DYNC1I1: variants seen among roughly 807,000 people sequenced by gnomAD.
DYNC1I1 encodes the protein dynein cytoplasmic 1 intermediate chain 1.
Under a neutral mutation model 86.6 loss-of-function variants are expected in DYNC1I1, and 43 were observed. The ratio of observed to expected loss-of-function variants is 0.50; its 90% CI spans 0.39 to 0.64. The LOEUF is 0.64. Ranked by LOEUF, DYNC1I1 falls within the 30% of genes least tolerant of loss-of-function variation. The pLI, the probability that DYNC1I1 is intolerant of heterozygous loss-of-function variation, is 0.00. For missense variants in DYNC1I1, 604 were observed against 788.8 expected (o/e 0.77, Z 2.81); for synonymous variants, 262 against 283.7 (o/e 0.92, Z 0.77).
intron 6 of DYNC1I1, among the ~76,000 whole-genome samples, chr7:95,927,141 A>G (rs564436394): frequency 2.6e-5 from 4 of 152,132 alleles, no homozygotes; most frequent in African/African-American, 4.8e-5. Flanking sequence ...CAAAGAGGGG[A>G]AAAAAAGTGT....
chr7:95,853,370 C>A (rs1264098736), intron 5 of DYNC1I1, among the ~76,000 whole-genome samples: 1 of 152,148 alleles, frequency 6.6e-6, no homozygotes, highest in Non-Finnish European at 1.5e-5. Flanking sequence ...CTCTTACCCT[C>A]TTCTTGCCCG....
chr7:96,058,289 C>T lies in DYNC1I1; in HGVS notation c.1510-17768C>T, dbSNP rs146544249. Among the ~76,000 whole-genome samples the T allele has an allele frequency of 1.8e-4, 28 of 152,278 alleles. No individual in the cohort carries two copies. The East Asian group carries it at 2.5e-3, about 14-fold the overall frequency. The stretch of plus-strand genomic sequence containing the variant: ...TTAAATTCATGCTTTGTGTTTTTAA[C>T]TTTGATAAGAATAGAAACGTGACAC... On this transcript the variant is annotated intron_variant, in intron 14 of 16. Transcript: ENST00000447467.
chr7:95,876,545 A>T (rs998142106), intron 6 of DYNC1I1, among the ~76,000 whole-genome samples: 1 of 151,300 alleles, frequency 6.6e-6, no homozygotes, highest in African/African-American at 2.4e-5. Context: ...GGCAAAAAAA[A>T]TGCCCTAGGT....
intron 5 of DYNC1I1, among the ~76,000 whole-genome samples, chr7:95,834,934 A>T (rs1789033237): frequency 6.6e-6 from 1 of 151,256 alleles, no homozygotes; most frequent in South Asian, 2.1e-4. Flanking sequence ...TCCTGGATTC[A>T]TTAATTTTTT....
At chr7:95,925,867 C>G (rs1217026832) in intron 6 of DYNC1I1, among the ~76,000 whole-genome samples, 1 of 151,960 alleles carries the variant, frequency 6.6e-6, no homozygotes, top group Non-Finnish European at 1.5e-5. Context: ...TTTAGTTTTT[C>G]TTTTTATCAT....
intron 6 of DYNC1I1, among the ~76,000 whole-genome samples, chr7:95,886,507 A>G (rs1287597924): frequency 1.3e-5 from 2 of 152,164 alleles, no homozygotes; most frequent in Non-Finnish European, 2.9e-5. Flanking sequence ...ATTAAGACTT[A>G]GAGAACTTAA....
At chr7:95,805,957 A>T (rs534862732) in intron 2 of DYNC1I1, among the ~76,000 whole-genome samples, 2 of 152,318 alleles carry the variant, frequency 1.3e-5, no homozygotes, top group African/African-American at 2.4e-5. Context: ...TTGCAGTTGC[A>T]TTTTAGCCTT....
rs889442404 is a variant in DYNC1I1, at chr7:95,919,726, A to G, written c.490+49728A>G. On this transcript the variant is annotated intron_variant, in intron 6 of 16. Coordinates refer to ENST00000447467, the MANE Select transcript of DYNC1I1 (RefSeq NM_001135556.2). The stretch of plus-strand genomic sequence containing the variant: ...ATGAAAATTGGCATGCTCTTCTCAT[A>G]TATAATTTGGGGAAAAATATGAAGT... Among the ~76,000 whole-genome samples the G allele has an allele frequency of 2.6e-5, 4 of 152,350 alleles. No individual in the cohort carries two copies. The South Asian group carries it at 6.2e-4, about 24-fold the overall frequency.
intron 5 of DYNC1I1, among the ~76,000 whole-genome samples, chr7:95,841,692 G>A (rs560667359): frequency 6.6e-6 from 1 of 152,212 alleles, no homozygotes; most frequent in South Asian, 2.1e-4. Flanking sequence ...GCTGTAGGAA[G>A]TGCCTACATA....
chr7:95,776,112 G>C (rs1462468290), intron 1 of DYNC1I1, among the ~76,000 whole-genome samples: 1 of 152,126 alleles, frequency 6.6e-6, no homozygotes, highest in Non-Finnish European at 1.5e-5. Flanking sequence ...ACAATCACTT[G>C]AGCCCAGGAG....
intron 6 of DYNC1I1, among the ~76,000 whole-genome samples, chr7:95,947,626 C>T (rs1029526634): frequency 1.3e-5 from 2 of 152,106 alleles, no homozygotes; most frequent in African/African-American, 4.8e-5. Context: ...TGCATGCACC[C>T]ATAGTGAGGG....
chr7:96,079,812 T>C (rs1055397968), intron 15 of DYNC1I1, among the ~76,000 whole-genome samples: 12 of 151,994 alleles, frequency 7.9e-5, no homozygotes, highest in African/African-American at 2.9e-4. Context: ...TTTTGAAAAA[T>C]TTTTTTTATC....
At chr7:95,899,785 T>A (rs997631951) in intron 6 of DYNC1I1, among the ~76,000 whole-genome samples, 2 of 152,204 alleles carry the variant, frequency 1.3e-5, no homozygotes, top group African/African-American at 2.4e-5. Context: ...CATCACTAGA[T>A]TTTTTTCTGA....
At chr7:96,039,495 T>A (rs1254054791) in intron 14 of DYNC1I1, 74 bp downstream of exon 14, 58 of 1,596,900 alleles carry the variant, frequency 3.6e-5, no homozygotes, top group Non-Finnish European at 4.6e-5. Context: ...CTGGAAACAG[T>A]TGTCCCTAAA....
intron 6 of DYNC1I1, among the ~76,000 whole-genome samples, chr7:95,969,910 A>G (rs912859490): frequency 2.0e-5 from 3 of 152,182 alleles, no homozygotes; most frequent in African/African-American, 7.2e-5. Flanking sequence ...GGTTTTTTCA[A>G]TATTAGCATG....
At chr7:95,794,384 C>A (rs1562895550) in intron 1 of DYNC1I1, among the ~76,000 whole-genome samples, 1 of 152,160 alleles carries the variant, frequency 6.6e-6, no homozygotes, top group Non-Finnish European at 1.5e-5. Flanking sequence ...AAGGAAGATA[C>A]TCTAAGAAAT....
intron 4 of DYNC1I1, among the ~76,000 whole-genome samples, chr7:95,826,101 TC>T (rs916057166): frequency 3.9e-5 from 6 of 152,198 alleles, no homozygotes; most frequent in African/African-American, 7.2e-5. Flanking sequence ...ATGCAGAGTC[TC>T]GGGCCACCCG....
chr7:95,879,081 A>C (rs1790383824), intron 6 of DYNC1I1, among the ~76,000 whole-genome samples: 1 of 152,184 alleles, frequency 6.6e-6, no homozygotes, highest in African/African-American at 2.4e-5. Flanking sequence ...ACCTTACAAG[A>C]AATATAAAAG....
chr7:96,030,145 A>G (rs1794772977), intron 11 of DYNC1I1, among the ~76,000 whole-genome samples: 2 of 152,114 alleles, frequency 1.3e-5, no homozygotes, highest in African/African-American at 2.4e-5. Context: ...GAGGCCCACC[A>G]CAGATTACTC....
Sources: gnomAD v4.1 joint callset for allele counts (sites outside exome capture counted in the v4.1 genomes callset) on GRCh38, gnomAD v4.1.1 for gene constraint, MANE v1.5 for transcripts, NCBI Gene and HGNC (gene_info 2026-07-23, HGNC 2026-07-21) for gene names.